The following COL26A1 variants were observed in gnomAD, a reference collection of about 807,000 sequenced individuals.
The protein encoded by COL26A1 is collagen alpha-1(XXVI) chain.
A neutral mutation model predicts 59.3 loss-of-function variants in COL26A1; 41 were observed. That is an observed-to-expected ratio of 0.69 (90% confidence interval 0.54 to 0.90). COL26A1 has a LOEUF of 0.90. Among genes scored for constraint, COL26A1 ranks in the 40% least tolerant of loss-of-function variants. The pLI, the probability that COL26A1 is intolerant of heterozygous loss-of-function variation, is 0.00. For synonymous variants in COL26A1, 266 were observed against 256.0 expected, an observed-to-expected ratio of 1.04 and a Z score of -0.37; for missense variants, 612 against 602.3, an observed-to-expected ratio of 1.02 and a Z score of -0.17.
At chr7:101,416,120 A>G (rs1792366080) in intron 1 of COL26A1, among the ~76,000 whole-genome samples, 1 of 143,034 alleles carries the variant, frequency 7.0e-6, no homozygotes, top group South Asian at 2.3e-4. Flanking sequence ...TTAGCAGGGC[A>G]TGGTGGCACA....
rs768506855 is a variant in COL26A1 at position 101,544,077 on chromosome 7, G to A, written c.684G>A (p.Lys228=). The change falls in exon 6 of 13, where the codon AAG becomes AAA. Residue 228 remains lysine (K), a synonymous_variant. Coordinates refer to ENST00000313669, the MANE Select transcript of COL26A1 (RefSeq NM_001278563.3). ...SKGDRGQTGE[K]GPAGPPGLLG... is the part of the protein sequence containing the mutation. ...GTGACCGAGGCCAGACAGGAGAGAAGGGTCCAGCGGGGCCGCCTGGTAAGA... is the reference window on the plus strand; with the variant it reads ...GTGACCGAGGCCAGACAGGAGAGAAAGGTCCAGCGGGGCCGCCTGGTAAGA... 1.2e-6 allele frequency: 2 copies of A among 1,604,078 alleles called. No individual in the cohort carries two copies. Among genetic ancestry groups the A allele is most frequent in the Non-Finnish European group, 1.7e-6 (2 of 1,175,882 alleles).
intron 5 of COL26A1, 49 bp downstream of exon 5, chr7:101,540,098 T>G: frequency 6.4e-7 from 1 of 1,557,426 alleles, no homozygotes; most frequent in Non-Finnish European, 8.7e-7. Flanking sequence ...GAAGGGACCT[T>G]GGGCATGGCC....
intron 1 of COL26A1, among the ~76,000 whole-genome samples, chr7:101,401,892 G>A (rs554279210): frequency 1.1e-4 from 16 of 152,166 alleles, no homozygotes; most frequent in Admixed American, 3.3e-4. Flanking sequence ...TGGTGGTGTC[G>A]AAGCCACGTT....
intron 1 of COL26A1, among the ~76,000 whole-genome samples, chr7:101,380,743 C>T (rs559501413): frequency 1.3e-5 from 2 of 152,318 alleles, no homozygotes; most frequent in African/African-American, 2.4e-5. Flanking sequence ...TCAGCTTAAA[C>T]ATCACATCTT....
intron 3 of COL26A1, among the ~76,000 whole-genome samples, chr7:101,464,114 T>C (rs979459576): frequency 1.3e-5 from 2 of 151,692 alleles, no homozygotes; most frequent in Admixed American, 1.3e-4. Context: ...TACAGGCATG[T>C]ACCACCATGC....
At chr7:101,488,050 A>G (rs562434124) in intron 3 of COL26A1, among the ~76,000 whole-genome samples, 4 of 151,884 alleles carry the variant, frequency 2.6e-5, no homozygotes, top group Non-Finnish European at 5.9e-5. Context: ...AGGCAGGCAG[A>G]TCACGTGAGG....
At chr7:101,462,293 C>T (rs1793634369) in intron 3 of COL26A1, among the ~76,000 whole-genome samples, 1 of 151,870 alleles carries the variant, frequency 6.6e-6, no homozygotes, top group Admixed American at 6.6e-5. Context: ...CCACCGCACC[C>T]AGCCTCAGGG....
At chr7:101,374,267 TG>T (rs1207953526) in intron 1 of COL26A1, among the ~76,000 whole-genome samples, 1 of 152,144 alleles carries the variant, frequency 6.6e-6, no homozygotes, top group Admixed American at 6.6e-5. Flanking sequence ...AGGTTAATTC[TG>T]AAATACTGGA....
At chr7:101,449,001 C>G (rs1793267306) in intron 3 of COL26A1, among the ~76,000 whole-genome samples, 1 of 152,236 alleles carries the variant, frequency 6.6e-6, no homozygotes, top group South Asian at 2.1e-4. Context: ...CAGGGGGCCT[C>G]TGGCCCACAG....
In COL26A1 at chr7:101,535,785, G is replaced by A. The variant is rs537155312; in HGVS notation, c.447+2642G>A. Among the ~76,000 whole-genome samples the A allele has an allele frequency of 3.9e-4, 59 of 152,274 alleles. 1 individual carries two copies. Among genetic ancestry groups the A allele is most frequent in the Admixed American group, 1.2e-3 (18 of 15,302 alleles). On this transcript the variant is annotated intron_variant, in intron 4 of 12. Transcript: ENST00000313669. ...GGAAAATGGAAATTGGAGTCACTTC[G>A]TTTTGAGGCTGGTCCAGAGTGGGGA... is the stretch of plus-strand genomic sequence containing the variant.
chr7:101,523,133 G>C (rs1795172601), intron 3 of COL26A1, among the ~76,000 whole-genome samples: 1 of 150,924 alleles, frequency 6.6e-6, no homozygotes, highest in Admixed American at 6.6e-5. Context: ...GCAATGGCAC[G>C]ATCTCGGCTC....
At chr7:101,528,969 C>T (rs1018178997) in intron 3 of COL26A1, among the ~76,000 whole-genome samples, 6 of 152,058 alleles carry the variant, frequency 3.9e-5, no homozygotes, top group Non-Finnish European at 8.8e-5. Flanking sequence ...AGTTCGAGAC[C>T]AGCCTGGCCA....
chr7:101,389,681 G>A (rs1791680232), intron 1 of COL26A1, among the ~76,000 whole-genome samples: 3 of 152,038 alleles, frequency 2.0e-5, no homozygotes, highest in African/African-American at 7.2e-5. Flanking sequence ...TCAGCCTCTC[G>A]AGTAGCTGAT....
At chr7:101,545,316 A>G in intron 6 of COL26A1, 22 bp from the exon 7 acceptor site, 5 of 1,544,398 alleles carry the variant, frequency 3.2e-6, no homozygotes, top group Non-Finnish European at 4.3e-6. Flanking sequence ...TGCCACAGTG[A>G]CTGTTCTTTT....
intron 5 of COL26A1, among the ~76,000 whole-genome samples, chr7:101,540,558 A>G (rs1795593627): frequency 6.9e-6 from 1 of 145,268 alleles, no homozygotes. Flanking sequence ...AAAAAAAAGT[A>G]GACCATCTGG....
At chr7:101,530,817 G>A (rs542531345) in intron 3 of COL26A1, among the ~76,000 whole-genome samples, 1 of 152,180 alleles carries the variant, frequency 6.6e-6, no homozygotes, top group South Asian at 2.1e-4. Flanking sequence ...CTCCATCCCC[G>A]CCTTGGGTTT....
intron 1 of COL26A1, among the ~76,000 whole-genome samples, chr7:101,392,255 A>T (rs1461844766): frequency 6.6e-6 from 1 of 152,058 alleles, no homozygotes; most frequent in Non-Finnish European, 1.5e-5. Context: ...GTGAAGGTAC[A>T]TGAGGGCCAT....
At chr7:101,387,634 T>TCTCTCTCTCTCTCTCG (rs1562958078) in intron 1 of COL26A1, among the ~76,000 whole-genome samples, 1 of 141,692 alleles carries the variant, frequency 7.1e-6, no homozygotes, top group African/African-American at 2.6e-5. Context: ...TCTCTCGCTC[T>TCTCTCTCTCTCTCTCG]CTCTCTCTCT....
intron 1 of COL26A1, among the ~76,000 whole-genome samples, chr7:101,392,015 G>A (rs1352703952): frequency 6.6e-6 from 1 of 152,100 alleles, no homozygotes; most frequent in African/African-American, 2.4e-5. Context: ...ACAGCACCTG[G>A]CCTGGAAGTG....
Sources: gnomAD v4.1 joint callset for allele counts (sites outside exome capture counted in the v4.1 genomes callset) on GRCh38, gnomAD v4.1.1 for gene constraint, MANE v1.5 for transcripts, NCBI Gene and HGNC (gene_info 2026-07-23, HGNC 2026-07-21) for gene names.